Variants in MARCHF8 observed in about 807,000 individuals in gnomAD.
The protein encoded by MARCHF8 is membrane associated ring-CH-type finger 8.
MARCHF8 carries 40 observed loss-of-function variants against 51.6 expected under a neutral mutation model. That is an observed-to-expected ratio of 0.77 (90% CI 0.60 to 1.01). The LOEUF (loss-of-function observed/expected upper bound fraction) is 1.01, where lower values mean the gene tolerates loss of function less well. MARCHF8 is among the 50% of genes least tolerant of loss of function. MARCHF8 has a pLI of 0.00. For synonymous variants in MARCHF8, 263 were observed against 280.3 expected, an observed-to-expected ratio of 0.94 and a Z score of 0.62; for missense variants, 685 against 708.6, an observed-to-expected ratio of 0.97 and a Z score of 0.38.
chr10:45,537,557 T>C (rs533553065), upstream of MARCHF8, among the ~76,000 whole-genome samples: 11 of 151,348 alleles, frequency 7.3e-5, no homozygotes, highest in African/African-American at 2.4e-4. Context: ...GGAGGCTGAG[T>C]TGGGAGGATC....
intron 2 of MARCHF8, among the ~76,000 whole-genome samples, chr10:45,491,303 T>G (rs2133093022): frequency 6.6e-6 from 1 of 152,300 alleles, no homozygotes; most frequent in African/African-American, 2.4e-5. Context: ...TTTGGGAGGC[T>G]GAGGCGGGCA....
intron 3 of MARCHF8, among the ~76,000 whole-genome samples, chr10:45,481,040 T>C (rs1048581379): frequency 1.3e-5 from 2 of 152,236 alleles, no homozygotes; most frequent in African/African-American, 4.8e-5. Context: ...GGAGCCCACC[T>C]CTTGCATTAG....
intron 1 of MARCHF8, among the ~76,000 whole-genome samples, chr10:45,587,311 T>C (rs2044628844): frequency 7.7e-6 from 1 of 129,630 alleles, no homozygotes. Flanking sequence ...ACTTGAGAAA[T>C]GATTTTTTAA....
intron 2 of MARCHF8, among the ~76,000 whole-genome samples, chr10:45,529,788 A>T (rs986902848): frequency 6.6e-6 from 1 of 152,214 alleles, no homozygotes; most frequent in Non-Finnish European, 1.5e-5. Flanking sequence ...AAAAATCAAT[A>T]ACAGATGTTG....
At chr10:45,501,892 C>T (rs1429076560) in intron 2 of MARCHF8, among the ~76,000 whole-genome samples, 1 of 152,056 alleles carries the variant, frequency 6.6e-6, no homozygotes, top group Non-Finnish European at 1.5e-5. Context: ...AGATGTTCAA[C>T]ATCACTGGCC....
chr10:45,492,166 T>C (rs2043092490), intron 2 of MARCHF8, among the ~76,000 whole-genome samples: 1 of 152,236 alleles, frequency 6.6e-6, no homozygotes, highest in Non-Finnish European at 1.5e-5. Flanking sequence ...TTTTAAAGCC[T>C]GAAACCTGTC....
intron 2 of MARCHF8, among the ~76,000 whole-genome samples, chr10:45,528,480 G>C (rs1372905580): frequency 6.6e-6 from 1 of 152,060 alleles, no homozygotes; most frequent in Non-Finnish European, 1.5e-5. Context: ...GTTTGTTTTT[G>C]AAACGGTCTC....
intron 1 of MARCHF8, among the ~76,000 whole-genome samples, chr10:45,586,443 G>T (rs1439496870): frequency 6.6e-6 from 1 of 152,010 alleles, no homozygotes; most frequent in Non-Finnish European, 1.5e-5. Context: ...ACTCTTTCCG[G>T]TGTTAAGCAC....
At chr10:45,514,677 GACTT>G (rs1286630325) in intron 2 of MARCHF8, among the ~76,000 whole-genome samples, 1 of 152,238 alleles carries the variant, frequency 6.6e-6, no homozygotes, top group Non-Finnish European at 1.5e-5. Flanking sequence ...ACGATTCTAA[GACTT>G]ACTTGGTGCC....
chr10:45,594,901 A>G (rs930115917), exon 1 of MARCHF8: 3 of 152,076 alleles, frequency 2.0e-5, no homozygotes, highest in Non-Finnish European at 4.4e-5. Context: ...GCGGGAGGAC[A>G]CCGAGTGGCA....
At chr10:45,582,286 T>C (rs1402832119) in intron 1 of MARCHF8, among the ~76,000 whole-genome samples, 1 of 152,236 alleles carries the variant, frequency 6.6e-6, no homozygotes, top group Non-Finnish European at 1.5e-5. Context: ...TCCATTATGC[T>C]GAATCCAGAG....
intron 6 of MARCHF8, 54 bp from the exon 7 acceptor site, chr10:45,459,321 G>A: frequency 6.3e-7 from 1 of 1,589,688 alleles, no homozygotes; most frequent in Non-Finnish European, 8.6e-7. Context: ...GGGCTCCGGT[G>A]GGGTGAGAGC....
chr10:45,476,393 G>T (rs1342094104), intron 3 of MARCHF8, among the ~76,000 whole-genome samples: 3 of 152,128 alleles, frequency 2.0e-5, no homozygotes, highest in Middle Eastern at 3.4e-3. Flanking sequence ...GTGAGACCTC[G>T]TCTCTATAAA....
chr10:45,568,549 T>C (rs946254447), intron 1 of MARCHF8, among the ~76,000 whole-genome samples: 2 of 151,846 alleles, frequency 1.3e-5, no homozygotes, highest in Non-Finnish European at 2.9e-5. Flanking sequence ...TGAAACCCCA[T>C]GCCTACTAAA....
chr10:45,504,048 G>C (rs2043333391), intron 2 of MARCHF8, among the ~76,000 whole-genome samples: 1 of 152,234 alleles, frequency 6.6e-6, no homozygotes, highest in Admixed American at 6.5e-5. Flanking sequence ...GACTGGCACA[G>C]TGGTGGCAGC....
intron 1 of MARCHF8, among the ~76,000 whole-genome samples, chr10:45,555,486 C>G (rs899286847): frequency 1.6e-4 from 24 of 151,930 alleles, no homozygotes; most frequent in Admixed American, 5.2e-4. Flanking sequence ...CCTGTAATCT[C>G]AGTACTTTGT....
At chr10:45,544,098 T>C (rs1439068476) in intron 1 of MARCHF8, among the ~76,000 whole-genome samples, 4 of 151,952 alleles carry the variant, frequency 2.6e-5, no homozygotes, top group Non-Finnish European at 4.4e-5. Context: ...TGAAGACATA[T>C]GAATAGCTAA....
At chr10:45,505,106 T>C (rs1027965119) in intron 2 of MARCHF8, among the ~76,000 whole-genome samples, 3 of 152,216 alleles carry the variant, frequency 2.0e-5, no homozygotes, top group African/African-American at 7.2e-5. Flanking sequence ...CAGCTACTCC[T>C]GAATAAGAAA....
Position 45,464,409 on chromosome 10 carries a change from A to C in MARCHF8, c.154-82T>G. 7 of 1,146,778 alleles carry C rather than the reference A, an allele frequency of 6.1e-6. 1 individual carries two copies. The highest frequency in any genetic ancestry group is 9.3e-6 in the Non-Finnish European group (7 of 755,342). The allele number at this position is 1,146,778 out of a possible 1,614,324, so 71.0% of individuals were successfully genotyped here. A position where few individuals can be genotyped will look rare whatever the true frequency, so the allele number is the denominator to read the frequency against. On this transcript the variant is annotated intron_variant, in intron 3 of 7. Transcript: ENST00000453424. Reference sequence around the variant, plus strand: ...CTGTCTCCTGAATGGTGACAGGGAGAAACCCTAGAAATGTCTGCTGCTTCC... The same window carrying C: ...CTGTCTCCTGAATGGTGACAGGGAGCAACCCTAGAAATGTCTGCTGCTTCC...
Sources: allele counts gnomAD v4.1 joint callset (sites outside exome capture counted in the v4.1 genomes callset), GRCh38; gene constraint gnomAD v4.1.1; transcripts MANE v1.5; gene names NCBI Gene and HGNC (gene_info 2026-07-23, HGNC 2026-07-21).